GRM7: variants seen among roughly 807,000 people sequenced by gnomAD.
GRM7 encodes metabotropic glutamate receptor 7.
A neutral mutation model predicts 84.5 loss-of-function variants in GRM7; 35 were observed. That is an observed-to-expected ratio of 0.41 (90% confidence interval 0.32 to 0.55). The LOEUF is 0.55. Among genes scored for constraint, GRM7 ranks in the 20% least tolerant of loss-of-function variants. The pLI is 0.19. For missense variants in GRM7, 1,003 were observed against 1,194.6 expected (o/e 0.84, Z 2.36); for synonymous variants, 487 against 455.1 (o/e 1.07, Z -0.89).
intron 7 of GRM7, among the ~76,000 whole-genome samples, chr3:7,503,397 C>T (rs955829158): frequency 2.0e-5 from 3 of 152,012 alleles, no homozygotes; most frequent in African/African-American, 7.2e-5. Context: ...CATGCACACA[C>T]ACACACACTT....
intron 4 of GRM7, among the ~76,000 whole-genome samples, chr3:7,393,203 C>A (rs539250473): frequency 2.0e-5 from 3 of 152,296 alleles, no homozygotes; most frequent in Non-Finnish European, 4.4e-5. Context: ...CGGGGCAGTG[C>A]AGCAACTGCA....
intron 1 of GRM7, among the ~76,000 whole-genome samples, chr3:7,105,894 A>C (rs1692615206): frequency 6.6e-6 from 1 of 151,902 alleles, no homozygotes; most frequent in Non-Finnish European, 1.5e-5. Flanking sequence ...AAATAATTTA[A>C]ATTTTGAATA....
At chr3:7,158,058 T>G (rs1173913030) in intron 2 of GRM7, among the ~76,000 whole-genome samples, 3 of 152,152 alleles carry the variant, frequency 2.0e-5, no homozygotes, top group African/African-American at 4.8e-5. Context: ...AAAACTAGCT[T>G]TATAGAGTCT....
intron 1 of GRM7, among the ~76,000 whole-genome samples, chr3:6,988,163 ATT>A (rs760807880): frequency 1.0e-4 from 10 of 95,280 alleles, no homozygotes; most frequent in East Asian, 3.5e-4. Flanking sequence ...CGCCTGGCTA[ATT>A]TTTTTTTTTT....
At chr3:7,292,335 T>C (rs1035180163) in intron 2 of GRM7, among the ~76,000 whole-genome samples, 1 of 152,202 alleles carries the variant, frequency 6.6e-6, no homozygotes, top group Non-Finnish European at 1.5e-5. Context: ...TTATCTCCTT[T>C]TATAATATGT....
intron 3 of GRM7, among the ~76,000 whole-genome samples, chr3:7,304,199 A>AAATATGC (rs1476302743): frequency 1.3e-5 from 2 of 152,016 alleles, no homozygotes; most frequent in African/African-American, 4.8e-5. Context: ...GCTACTGAAC[A>AAATATGC]AATATGCAAG....
chr3:7,323,669 T>G (rs1226522626), intron 4 of GRM7, among the ~76,000 whole-genome samples: 2 of 152,110 alleles, frequency 1.3e-5, no homozygotes, highest in East Asian at 3.9e-4. Context: ...TACAAAAAAC[T>G]AATTTGCCAA....
chr3:7,186,658 T>G (rs1695525932), intron 2 of GRM7, among the ~76,000 whole-genome samples: 1 of 152,218 alleles, frequency 6.6e-6, no homozygotes, highest in Non-Finnish European at 1.5e-5. Context: ...CTTGCATGAT[T>G]TTGTGTTATC....
intron 1 of GRM7, among the ~76,000 whole-genome samples, chr3:7,082,518 C>T (rs527825459): frequency 6.6e-6 from 1 of 152,216 alleles, no homozygotes; most frequent in East Asian, 1.9e-4. Flanking sequence ...AACACAACAT[C>T]CATTGTGCAG....
At chr3:7,736,408 A>G (rs1702501702) in intron 9 of GRM7, among the ~76,000 whole-genome samples, 1 of 152,154 alleles carries the variant, frequency 6.6e-6, no homozygotes, top group Non-Finnish European at 1.5e-5. Flanking sequence ...TATCAATAGG[A>G]AAAGAGTTAC....
At chr3:7,414,890 T>C in intron 4 of GRM7, 133 bp from the exon 5 acceptor site, 1 of 594,160 alleles carries the variant, frequency 1.7e-6, no homozygotes, top group Non-Finnish European at 2.8e-6. Context: ...CTGTTAATTT[T>C]TTTTTTTTTC....
chr3:7,506,027 A>C (rs1700029642), intron 7 of GRM7, among the ~76,000 whole-genome samples: 1 of 152,174 alleles, frequency 6.6e-6, no homozygotes, highest in African/African-American at 2.4e-5. Flanking sequence ...TCTTTAAATC[A>C]ACTCTTTCTT....
chr3:7,000,970 A>G (rs1238643375), intron 1 of GRM7, among the ~76,000 whole-genome samples: 1 of 152,200 alleles, frequency 6.6e-6, no homozygotes, highest in Non-Finnish European at 1.5e-5. Context: ...GATTGGAAAA[A>G]ATATAGTATG....
chr3:7,343,469 A>T (rs1317907932), intron 4 of GRM7, among the ~76,000 whole-genome samples: 1 of 152,062 alleles, frequency 6.6e-6, no homozygotes, highest in African/African-American at 2.4e-5. Flanking sequence ...ACACCTTGGC[A>T]TCCTAAAGTG....
chr3:7,704,010 A>G (rs1190906100), intron 9 of GRM7, among the ~76,000 whole-genome samples: 2 of 152,242 alleles, frequency 1.3e-5, no homozygotes, highest in Non-Finnish European at 2.9e-5. Context: ...TCCATTGACC[A>G]GCACACAAAA....
At chr3:7,564,555 C>G (rs879785998) in intron 7 of GRM7, among the ~76,000 whole-genome samples, 1 of 152,106 alleles carries the variant, frequency 6.6e-6, no homozygotes, top group Non-Finnish European at 1.5e-5. Flanking sequence ...TGGCAATGTT[C>G]AGCTGGAAAA....
chr3:7,131,573 T>G (rs1693600335), intron 1 of GRM7, among the ~76,000 whole-genome samples: 1 of 152,202 alleles, frequency 6.6e-6, no homozygotes, highest in Non-Finnish European at 1.5e-5. Flanking sequence ...CTGCCTCTCA[T>G]GTTGAAGTGA....
At chr3:7,070,141 G>C (rs1003283650) in intron 1 of GRM7, among the ~76,000 whole-genome samples, 1 of 151,878 alleles carries the variant, frequency 6.6e-6, no homozygotes, top group Non-Finnish European at 1.5e-5. Flanking sequence ...TAATGAAATG[G>C]ATAATTATCA....
chr3:7,038,222 C>A (rs1238913371), intron 1 of GRM7, among the ~76,000 whole-genome samples: 1 of 152,138 alleles, frequency 6.6e-6, no homozygotes, highest in Non-Finnish European at 1.5e-5. Context: ...TCTCTTGAAG[C>A]ATATTCAGGA....
Sources: allele counts gnomAD v4.1 joint callset (sites outside exome capture counted in the v4.1 genomes callset), GRCh38; gene constraint gnomAD v4.1.1; transcripts MANE v1.5; gene names NCBI Gene and HGNC (gene_info 2026-07-23, HGNC 2026-07-21).